The following NPC1 variants were observed in gnomAD, a reference collection of about 807,000 sequenced individuals.
The protein encoded by NPC1 is Niemann-Pick C1 protein.
A neutral mutation model predicts 140.4 loss-of-function variants in NPC1; 85 were observed. That is an observed-to-expected ratio of 0.61 (90% CI 0.51 to 0.72). NPC1 has a LOEUF of 0.72. Ranked by LOEUF, NPC1 falls within the 30% of genes least tolerant of loss-of-function variation. The pLI, the probability that NPC1 is intolerant of heterozygous loss-of-function variation, is 0.00. For synonymous variants in NPC1, 656 were observed against 624.8 expected (o/e 1.05, Z -0.74); for missense variants, 1,504 against 1,623.8 (o/e 0.93, Z 1.27).
At chr18:23,556,658 G>A (rs375855008) in intron 7 of NPC1, 45 bp from the exon 8 acceptor site, 1 of 1,609,828 alleles carries the variant, frequency 6.2e-7, no homozygotes, top group African/African-American at 1.3e-5. Context: ...TAAGAGCCAA[G>A]CCGTTCCTGA....
chr18:23,551,009 TTC>T (rs1241964817), intron 10 of NPC1, among the ~76,000 whole-genome samples: 2 of 152,218 alleles, frequency 1.3e-5, no homozygotes, highest in Admixed American at 1.3e-4. Context: ...CCTATCTGGA[TTC>T]TTAACTGGTT....
In NPC1 at chr18:23,531,493, C is replaced by A. The variant is rs1397562317; in HGVS notation, c.*709G>T. On this transcript the variant is annotated 3_prime_UTR_variant, in exon 25 of 25. Transcript: ENST00000269228. Reference sequence around the variant, plus strand: ...TCTCTCAAAGCAGATAGGGTAACCCCAAAACTTAGGAAAACAATGTATTTT... The same window carrying A: ...TCTCTCAAAGCAGATAGGGTAACCCAAAAACTTAGGAAAACAATGTATTTT... 3 of 1,465,900 alleles carry A rather than the reference C, an allele frequency of 2.0e-6. No homozygotes were observed. The highest frequency in any genetic ancestry group is 1.8e-6 in the Non-Finnish European group (2 of 1,115,916). 90.8% of individuals were successfully genotyped at this position (1,465,900 alleles called of 1,614,324 possible). A position where few individuals can be genotyped will look rare whatever the true frequency, so the allele number is the denominator to read the frequency against.
At chr18:23,530,148 T>G (rs776617809), downstream of NPC1, 6 of 1,613,860 alleles carry the variant, frequency 3.7e-6, no homozygotes, top group Middle Eastern at 4.9e-4. Context: ...CATTGCCAGA[T>G]TTTTACTTCC....
intron 4 of NPC1, among the ~76,000 whole-genome samples, chr18:23,563,712 TGTTTTTG>T (rs765569157): frequency 7.2e-5 from 11 of 152,032 alleles, no homozygotes; most frequent in Non-Finnish European, 1.2e-4. Flanking sequence ...TGTGCCCAGC[TGTTTTTG>T]GTTTTTGGAT....
At chr18:23,518,953 G>A (rs541601026), downstream of NPC1, 10 of 1,614,142 alleles carry the variant, frequency 6.2e-6, no homozygotes, top group South Asian at 9.9e-5. Flanking sequence ...GCACAGGAGC[G>A]GAGGTGGTCC....
chr18:23,554,803 A>C lies in NPC1; in HGVS notation c.1508T>G (p.Phe503Cys). The C allele has an allele frequency of 6.2e-7, 1 of 1,614,128 alleles. No homozygotes were observed. Among genetic ancestry groups the C allele is most frequent in the Non-Finnish European group, 8.5e-7 (1 of 1,180,010 alleles). The part of the protein sequence containing the change: ...SVLDHKKGDD[F>C]FVYADYHTHF... The stretch of plus-strand genomic sequence containing the variant: ...CGTGTGGTAATCGGCATACACAAAG[A>C]AGTCGTCCCCTTTCTTGTGGTCCAG... Residue 503 changes from phenylalanine (F) to cysteine (C), a missense_variant, in exon 9 of 25, where the codon TTC becomes TGC. Transcript: ENST00000269228.
At chr18:23,541,496 T>C in intron 14 of NPC1, 63 bp from the exon 15 acceptor site, 1 of 1,608,606 alleles carries the variant, frequency 6.2e-7, no homozygotes, top group African/African-American at 1.3e-5. Flanking sequence ...CTGCAGGTCT[T>C]ATGTTCATGT....
chr18:23,579,279 G>C (rs1459870638), intron 1 of NPC1, among the ~76,000 whole-genome samples: 2 of 152,198 alleles, frequency 1.3e-5, no homozygotes, highest in Non-Finnish European at 2.9e-5. Flanking sequence ...TAAAATCCTA[G>C]AGGGCAGAGC....
chr18:23,516,562 G>A, intron 3 of NPC1: 4 of 801,058 alleles, frequency 5.0e-6, no homozygotes, highest in Non-Finnish European at 6.1e-6. Flanking sequence ...TGGGTATTCA[G>A]TGTATAGGTC....
chr18:23,506,971 A>G, intron 3 of NPC1: 1 of 1,594,208 alleles, frequency 6.3e-7, no homozygotes, highest in Non-Finnish European at 8.6e-7. Flanking sequence ...TTCTTAAAGA[A>G]TGGATGACAA....
downstream of NPC1, among the ~76,000 whole-genome samples, chr18:23,520,043 T>A (rs2058102180): frequency 6.6e-6 from 1 of 152,196 alleles, no homozygotes; most frequent in South Asian, 2.1e-4. Flanking sequence ...AGAGTTGTGA[T>A]GTTAATGACA....
chr18:23,564,909 A>T (rs2059100548), intron 4 of NPC1, among the ~76,000 whole-genome samples: 3 of 152,144 alleles, frequency 2.0e-5, no homozygotes. Flanking sequence ...GTATCCAGTT[A>T]TTGCAGCACC....
At position 23,535,552 on chromosome 18, in the gene NPC1, C is replaced by T. The variant is rs1046046139; in HGVS notation, c.3394G>A (p.Ala1132Thr). ...WSAVIMCATIAMVLVNMFGVM... is the reference protein window; with the variant it reads ...WSAVIMCATITMVLVNMFGVM... ...CCAAACATGTTGACCAAGACCATGG[C>T]GATGGTGGCACACATGATGACTGCA... The change falls in exon 22 of 25, where the codon GCC becomes ACC. Residue 1132 changes from alanine to threonine, a missense_variant. Ala to Thr is a moderately conservative substitution (Grantham distance 58). Coordinates refer to ENST00000269228, the MANE Select transcript of NPC1 (RefSeq NM_000271.5). The T allele has an allele frequency of 1.1e-5, 18 of 1,613,914 alleles. No homozygotes were observed. Among genetic ancestry groups the T allele is most frequent in the East Asian group, 6.7e-5 (3 of 44,884 alleles).
At chr18:23,532,979 C>T (rs984550260) in intron 24 of NPC1, 1 of 979,782 alleles carries the variant, frequency 1.0e-6, no homozygotes, top group Non-Finnish European at 1.2e-6. Context: ...CCATGAGGGA[C>T]ATAAAAAGCT....
intron 3 of NPC1, chr18:23,507,105 G>A (rs1450687980): frequency 7.7e-7 from 1 of 1,306,230 alleles, no homozygotes; most frequent in East Asian, 2.4e-5. Context: ...AAATACATTT[G>A]GAAGAGAAGG....
chr18:23,517,658 T>C (rs966645939), downstream of NPC1, among the ~76,000 whole-genome samples: 1 of 152,150 alleles, frequency 6.6e-6, no homozygotes, highest in Non-Finnish European at 1.5e-5. Context: ...TGGTAGTTAG[T>C]ATAATGTTCT....
At chr18:23,568,114 C>T (rs1449327371) in intron 4 of NPC1, among the ~76,000 whole-genome samples, 1 of 150,032 alleles carries the variant, frequency 6.7e-6, no homozygotes, top group African/African-American at 2.4e-5. Context: ...TCTATTTTCT[C>T]ATCTCATTTA....
chr18:23,576,509 C>A, intron 1 of NPC1: 8 of 992,914 alleles, frequency 8.1e-6, no homozygotes, highest in Non-Finnish European at 8.4e-6. Context: ...TAGGCTTAGG[C>A]ACTATTTTAA....
chr18:23,540,113 TC>T, intron 17 of NPC1, 112 bp from the exon 18 acceptor site: 1 of 905,238 alleles, frequency 1.1e-6, no homozygotes, highest in Non-Finnish European at 1.8e-6. Context: ...CTGAGATGCC[TC>T]CAGCTGGACT....
Sources: allele counts gnomAD v4.1 joint callset (sites outside exome capture counted in the v4.1 genomes callset), GRCh38; gene constraint gnomAD v4.1.1; transcripts MANE v1.5; gene names NCBI Gene and HGNC (gene_info 2026-07-23, HGNC 2026-07-21).